The following RUNX1 variants were observed in gnomAD, a reference collection of about 807,000 sequenced individuals.
RUNX1 encodes runt-related transcription factor 1.
In RUNX1, 19 loss-of-function variants were observed where a neutral mutation model predicts 42.8. The observed-to-expected ratio is 0.44, with a 90% CI of 0.31 to 0.65. RUNX1 has a LOEUF of 0.65. RUNX1 is among the 30% of genes least tolerant of loss of function. The pLI, the probability that RUNX1 is intolerant of heterozygous loss-of-function variation, is 0.07. For missense variants in RUNX1, 528 were observed against 672.0 expected (o/e 0.79, Z 2.37); for synonymous variants, 271 against 289.4 (o/e 0.94, Z 0.64).
At chr21:35,040,325 G>C (rs2059348061) in intron 2 of RUNX1, among the ~76,000 whole-genome samples, 1 of 152,194 alleles carries the variant, frequency 6.6e-6, no homozygotes, top group Non-Finnish European at 1.5e-5. Context: ...ATGTATCTTA[G>C]TTGACCTAAA....
At chr21:35,024,004 A>G (rs1183664667) in intron 2 of RUNX1, among the ~76,000 whole-genome samples, 1 of 151,104 alleles carries the variant, frequency 6.6e-6, no homozygotes, top group African/African-American at 2.4e-5. Flanking sequence ...ATATCAACAT[A>G]TTAAATAAAT....
At chr21:34,809,677 G>C (rs1255752533) in intron 7 of RUNX1, among the ~76,000 whole-genome samples, 1 of 152,172 alleles carries the variant, frequency 6.6e-6, no homozygotes, top group Non-Finnish European at 1.5e-5. Flanking sequence ...CCACTGTGCT[G>C]ATGAGGGGCC....
intron 2 of RUNX1, among the ~76,000 whole-genome samples, chr21:35,019,294 T>C (rs1195988663): frequency 3.3e-5 from 5 of 152,188 alleles, no homozygotes; most frequent in Admixed American, 3.3e-4. Context: ...GAGTCCTCTG[T>C]AATGGCTCGA....
intron 2 of RUNX1, among the ~76,000 whole-genome samples, chr21:34,982,396 G>GT (rs2058852919): frequency 2.1e-5 from 2 of 96,986 alleles, no homozygotes; most frequent in Non-Finnish European, 4.1e-5. Flanking sequence ...AAGTCAAAAG[G>GT]GGTGTGTGTG....
chr21:35,002,700 T>C (rs2059055614), intron 2 of RUNX1, among the ~76,000 whole-genome samples: 1 of 152,154 alleles, frequency 6.6e-6, no homozygotes, highest in African/African-American at 2.4e-5. Flanking sequence ...ACTGCTGGGA[T>C]TACAGGCGTG....
At chr21:34,946,562 T>G (rs1236952890) in intron 2 of RUNX1, among the ~76,000 whole-genome samples, 1 of 152,154 alleles carries the variant, frequency 6.6e-6, no homozygotes, top group African/African-American at 2.4e-5. Flanking sequence ...CTCGGCTTGA[T>G]TCATGTGCTA....
At chr21:34,951,309 T>C (rs1020916748) in intron 2 of RUNX1, among the ~76,000 whole-genome samples, 1 of 152,252 alleles carries the variant, frequency 6.6e-6, no homozygotes, top group African/African-American at 2.4e-5. Flanking sequence ...TAAAAAACTA[T>C]AATTCTTTTG....
intron 7 of RUNX1, among the ~76,000 whole-genome samples, chr21:34,829,495 T>C (rs900061782): frequency 6.6e-6 from 1 of 152,224 alleles, no homozygotes; most frequent in Non-Finnish European, 1.5e-5. Context: ...GAACACCTGA[T>C]TCAGGCTTGT....
chr21:34,881,439 G>GA (rs903296148), intron 4 of RUNX1, among the ~76,000 whole-genome samples: 10 of 151,256 alleles, frequency 6.6e-5, no homozygotes, highest in Non-Finnish European at 8.9e-5. Context: ...TAGCACACAA[G>GA]AAAAAAAAAT....
Position 34,792,294 on chromosome 21 carries a change from G to C in RUNX1, c.1284C>G (p.Ile428Met), listed in dbSNP as rs2056451041. The C allele has an allele frequency of 6.5e-7, 1 of 1,542,098 alleles. No individual in the cohort carries two copies. The highest frequency in any genetic ancestry group is 1.4e-5 in the African/African-American group (1 of 72,820). Residue 428 changes from isoleucine to methionine, a missense_variant, in exon 9 of 9, where the codon ATC (isoleucine) becomes ATG (methionine). Transcript: ENST00000675419. This position sits in a 1 kb window ranked among gnomAD's most constrained non-coding sequence, Gnocchi z 6.9. ...MVGGERSPPR[I>M]LPPCTNASTG... Reference sequence around the variant, plus strand: ...TGGAGGCGTTGGTGCAGGGCGGCAGGATGCGCGGCGGCGAGCGCTCGCCGC... The same window carrying C: ...TGGAGGCGTTGGTGCAGGGCGGCAGCATGCGCGGCGGCGAGCGCTCGCCGC...
At chr21:35,025,660 C>A (rs1199631541) in intron 2 of RUNX1, among the ~76,000 whole-genome samples, 1 of 152,060 alleles carries the variant, frequency 6.6e-6, no homozygotes, top group Non-Finnish European at 1.5e-5. Flanking sequence ...GGTCAAGGGG[C>A]CTTCAGCAGG....
At chr21:34,996,387 G>A (rs1464409023) in intron 2 of RUNX1, among the ~76,000 whole-genome samples, 1 of 152,110 alleles carries the variant, frequency 6.6e-6, no homozygotes, top group Non-Finnish European at 1.5e-5. Flanking sequence ...CAGAGGCTGG[G>A]AACTGGGGGC....
chr21:35,048,007 A>G (rs142774697), intron 2 of RUNX1, among the ~76,000 whole-genome samples: 2 of 152,262 alleles, frequency 1.3e-5, no homozygotes, highest in African/African-American at 4.8e-5. Context: ...AGCTTTGTCC[A>G]TTTCAAGAGG....
At chr21:34,888,518 C>CA (rs1012846844) in intron 3 of RUNX1, 33 of 1,065,824 alleles carry the variant, frequency 3.1e-5, no homozygotes, top group Non-Finnish European at 3.3e-5. Context: ...AAAAAAACAA[C>CA]AAAAAAAGGA....
intron 2 of RUNX1, among the ~76,000 whole-genome samples, chr21:34,916,701 G>A (rs2058314639): frequency 6.6e-6 from 1 of 152,106 alleles, no homozygotes; most frequent in African/African-American, 2.4e-5. Flanking sequence ...AGTCAAGGAA[G>A]AGGGAAAGTA....
At position 34,970,086 on chromosome 21, in the gene RUNX1, G is replaced by A. The variant is rs2058751912; in HGVS notation, c.59-77123C>T. ...ATTACTTTATGAACACACTTGTTAT[G>A]CATTGAGATAATTTATGTGGGCTAC... On this transcript the variant is annotated intron_variant, in intron 2 of 8. Transcript: ENST00000675419. 2.0e-5 allele frequency among the ~76,000 whole-genome samples: 3 copies of A among 152,328 alleles called. No homozygotes were observed. In the South Asian group the frequency reaches 6.2e-4, roughly 32 times the overall value.
chr21:34,796,561 C>A (rs2056530305), intron 8 of RUNX1, among the ~76,000 whole-genome samples: 1 of 152,120 alleles, frequency 6.6e-6, no homozygotes, highest in South Asian at 2.1e-4. Context: ...TTAGGAGGTC[C>A]AGGTATTTTG....
chr21:34,853,477 C>A (rs2057453306), intron 6 of RUNX1, among the ~76,000 whole-genome samples: 1 of 152,174 alleles, frequency 6.6e-6, no homozygotes, highest in Non-Finnish European at 1.5e-5. Flanking sequence ...TAAAAACAGA[C>A]CCTGGCATCG....
intron 2 of RUNX1, among the ~76,000 whole-genome samples, chr21:35,039,929 T>C (rs892432848): frequency 1.3e-5 from 2 of 152,220 alleles, no homozygotes; most frequent in Admixed American, 1.3e-4. Context: ...GAGTTTCTGT[T>C]CCTACCTGTC....
Sources: gnomAD v4.1 joint callset for allele counts (sites outside exome capture counted in the v4.1 genomes callset) on GRCh38, gnomAD v4.1.1 for gene constraint, Gnocchi (gnomAD v3.1) non-coding constraint, MANE v1.5 for transcripts, NCBI Gene and HGNC (gene_info 2026-07-23, HGNC 2026-07-21) for gene names.